Variants in KIAA1217 observed in about 807,000 individuals in gnomAD.
The protein encoded by KIAA1217 is KIAA1217.
KIAA1217 carries 88 observed loss-of-function variants against 163.9 expected under a neutral mutation model. The ratio of observed to expected loss-of-function variants is 0.54; its 90% CI spans 0.45 to 0.64. The LOEUF (loss-of-function observed/expected upper bound fraction) is 0.64, where lower values mean the gene tolerates loss of function less well. Ranked by LOEUF, KIAA1217 falls within the 30% of genes least tolerant of loss-of-function variation. The pLI, the probability that KIAA1217 is intolerant of heterozygous loss-of-function variation, is 0.00. For synonymous variants in KIAA1217, 903 were observed against 923.1 expected (o/e 0.98, Z 0.39); for missense variants, 2,372 against 2,475.0 (o/e 0.96, Z 0.88).
chr10:24,512,638 G>A (rs2069371340), intron 9 of KIAA1217, among the ~76,000 whole-genome samples: 1 of 152,212 alleles, frequency 6.6e-6, no homozygotes, highest in African/African-American at 2.4e-5. Flanking sequence ...CAACATTAAA[G>A]TCCTATGTTT....
chr10:23,906,577 A>T (rs1842171791), intron 1 of KIAA1217, among the ~76,000 whole-genome samples: 1 of 152,128 alleles, frequency 6.6e-6, no homozygotes, highest in South Asian at 2.1e-4. Flanking sequence ...TTCTTATAGA[A>T]CTGTGTCTAG....
At chr10:24,473,175 T>C (rs1357314210) in intron 5 of KIAA1217, 53 bp from the exon 6 acceptor site, 3 of 1,306,956 alleles carry the variant, frequency 2.3e-6, no homozygotes, top group Non-Finnish European at 3.2e-6. Flanking sequence ...CTGAGACTTC[T>C]CTTGAAACAC....
At chr10:24,090,362 A>ATTTTT (rs2061891127) in intron 2 of KIAA1217, among the ~76,000 whole-genome samples, 1 of 57,266 alleles carries the variant, frequency 1.7e-5, no homozygotes, top group African/African-American at 1.0e-4. Context: ...TTTTTTTTTG[A>ATTTTT]AGAGACAGGG....
intron 3 of KIAA1217, among the ~76,000 whole-genome samples, chr10:24,384,365 C>T (rs1387802303): frequency 2.0e-5 from 3 of 152,168 alleles, no homozygotes; most frequent in Non-Finnish European, 4.4e-5. Flanking sequence ...AGTTCCCATA[C>T]ACCCTTGGCC....
intron 1 of KIAA1217, among the ~76,000 whole-genome samples, chr10:23,747,817 A>G (rs1317077468): frequency 6.6e-6 from 1 of 152,108 alleles, no homozygotes; most frequent in Non-Finnish European, 1.5e-5. Flanking sequence ...CTGATACGTG[A>G]TGAATCCATC....
chr10:23,818,008 T>TATAC lies in KIAA1217; in HGVS notation c.-321+122775_-321+122776insTACA, dbSNP rs1415893173. 3.7e-4 allele frequency among the ~76,000 whole-genome samples: 32 copies of TATAC among 87,248 alleles called. 1 individual carries two copies. The highest frequency in any genetic ancestry group is 1.9e-3 in the South Asian group (5 of 2,658). The allele number at this position is 87,248 out of a possible 152,430, so 57.2% of individuals were successfully genotyped here. The stretch of plus-strand genomic sequence containing the variant: ...ATATATATATATATATATATATATA[T>TATAC]ACACACATATATATACACACATATA... On this transcript the variant is annotated intron_variant, in intron 1 of 18. Transcript: ENST00000376462.
At chr10:24,269,210 T>TAAAAAA (rs59746609) in intron 2 of KIAA1217, among the ~76,000 whole-genome samples, 6 of 87,066 alleles carry the variant, frequency 6.9e-5, no homozygotes, top group Admixed American at 1.3e-4. Context: ...AAAGTATAAT[T>TAAAAAA]AAAAAAAAAA....
chr10:23,996,528 C>G (rs1846492839), intron 1 of KIAA1217, among the ~76,000 whole-genome samples: 1 of 152,014 alleles, frequency 6.6e-6, no homozygotes, highest in African/African-American at 2.4e-5. Flanking sequence ...CACCGTAGCC[C>G]TACAGTAAAT....
rs573118455 is a variant in KIAA1217 at position 24,502,434 on chromosome 10, A to T, written c.2001+889A>T. Among the ~76,000 whole-genome samples the T allele has an allele frequency of 2.2e-4, 34 of 152,112 alleles. 1 individual carries two copies. In the South Asian group the frequency reaches 7.1e-3, roughly 32 times the overall value. ...CTTTTCCATTGTTAAGGAATATATAAACTCTACGGGAATCAGGATAAGTGA... is the reference window on the plus strand; with the variant it reads ...CTTTTCCATTGTTAAGGAATATATATACTCTACGGGAATCAGGATAAGTGA... On this transcript the variant is annotated intron_variant, in intron 9 of 20. Transcript: ENST00000376454.
chr10:24,090,164 CTTTT>C (rs1162687231), intron 2 of KIAA1217, among the ~76,000 whole-genome samples: 1 of 109,230 alleles, frequency 9.2e-6, no homozygotes, highest in African/African-American at 3.9e-5. Flanking sequence ...TTTTCTTTTT[CTTTT>C]TTTTTTTTTT....
chr10:23,809,473 A>G (rs181522871), intron 1 of KIAA1217, among the ~76,000 whole-genome samples: 2 of 152,060 alleles, frequency 1.3e-5, no homozygotes, highest in African/African-American at 4.8e-5. Flanking sequence ...AGGAATAAGG[A>G]AAGTGATTAA....
At chr10:24,532,766 G>A (rs1002665080) in intron 15 of KIAA1217, among the ~76,000 whole-genome samples, 1 of 152,102 alleles carries the variant, frequency 6.6e-6, no homozygotes, top group Admixed American at 6.5e-5. Flanking sequence ...ATGACACGTG[G>A]GAATTACGGG....
chr10:24,371,501 A>T (rs1360349615), intron 2 of KIAA1217, among the ~76,000 whole-genome samples: 1 of 152,190 alleles, frequency 6.6e-6, no homozygotes, highest in Non-Finnish European at 1.5e-5. Context: ...TAAAAGGTGG[A>T]ATGCAATCTG....
rs895840147 is a variant in KIAA1217 at position 24,358,055 on chromosome 10, C to T, written c.355-22814C>T. Among the ~76,000 whole-genome samples the T allele has an allele frequency of 2.0e-5, 3 of 152,278 alleles. No homozygotes were observed. In the East Asian group the frequency reaches 5.8e-4, roughly 29 times the overall value. Reference sequence around the variant, plus strand: ...AGCAAGCTGCACAGAGCCAAGACTCCCAAGAACCAATGCCTTCTTCCAGCC... The same window carrying T: ...AGCAAGCTGCACAGAGCCAAGACTCTCAAGAACCAATGCCTTCTTCCAGCC... On this transcript the variant is annotated intron_variant, in intron 2 of 20. Transcript: ENST00000376454.
chr10:23,977,339 G>A (rs1035277881), intron 1 of KIAA1217, among the ~76,000 whole-genome samples: 27 of 152,142 alleles, frequency 1.8e-4, no homozygotes, highest in African/African-American at 6.0e-4. Context: ...TAGAGAGGAA[G>A]GGAGGGCAAA....
intron 14 of KIAA1217, among the ~76,000 whole-genome samples, chr10:24,531,209 A>T (rs1460450956): frequency 6.6e-6 from 1 of 152,046 alleles, no homozygotes; most frequent in Non-Finnish European, 1.5e-5. Flanking sequence ...TCTACAAAAT[A>T]AAAAAAATTA....
rs181308250 is a variant in KIAA1217, at chr10:23,744,201, G to A, written c.-321+48967G>A. 3.3e-5 allele frequency among the ~76,000 whole-genome samples: 5 copies of A among 152,298 alleles called. No homozygotes were observed. The East Asian group carries it at 9.6e-4, about 29-fold the overall frequency. The stretch of plus-strand genomic sequence containing the variant: ...TAGTGGTGTCTGTAGCCCCCAGCTA[G>A]CAAGGATGTGAGCTACTAGGTAGCC... On this transcript the variant is annotated intron_variant, in intron 1 of 18. Transcript: ENST00000376462.
rs118085956 is a variant in KIAA1217 at position 23,778,187 on chromosome 10, C to T, written c.-321+82953C>T. Among the ~76,000 whole-genome samples the T allele has an allele frequency of 1.1e-3, 160 of 152,248 alleles. 1 individual carries two copies. Among genetic ancestry groups the T allele is most frequent in the Middle Eastern group, 3.4e-3 (1 of 294 alleles). ...AACTCCTGACCTCGTGATTCCCCCC[C>T]CTTCGGCCTCCCAAAGTGTTGGGAT... On this transcript the variant is annotated intron_variant, in intron 1 of 18. Coordinates refer to the KIAA1217 transcript ENST00000376462.
intron 6 of KIAA1217, among the ~76,000 whole-genome samples, chr10:24,477,054 T>C (rs1008906578): frequency 5.3e-5 from 8 of 152,208 alleles, no homozygotes; most frequent in Admixed American, 5.2e-4. Context: ...TCCTACATGC[T>C]TCCCCCATTG....
Sources: gnomAD v4.1 joint callset for allele counts (sites outside exome capture counted in the v4.1 genomes callset) on GRCh38, gnomAD v4.1.1 for gene constraint, MANE v1.5 for transcripts, NCBI Gene and HGNC (gene_info 2026-07-23, HGNC 2026-07-21) for gene names.